Variants in SV2C observed in about 807,000 individuals in gnomAD.
The protein encoded by SV2C is synaptic vesicle glycoprotein 2C, also known as solute carrier family 22 member B3.
Under a neutral mutation model 79.7 loss-of-function variants are expected in SV2C, and 49 were observed. That is an observed-to-expected ratio of 0.61 (90% CI 0.49 to 0.78). The LOEUF (loss-of-function observed/expected upper bound fraction) is 0.78. SV2C is among the 30% of genes least tolerant of loss of function. The pLI is 0.00. For synonymous variants in SV2C, 334 were observed against 333.2 expected (o/e 1.00, Z -0.03); for missense variants, 833 against 912.9 (o/e 0.91, Z 1.13).
At chr5:75,858,009 T>G in the SV2C span, among the ~76,000 whole-genome samples, 9 of 152,226 alleles carry the variant, frequency 5.9e-5, no homozygotes, top group African/African-American at 9.6e-5. Flanking sequence ...TTTGGTGGAT[T>G]CTTTAGGTTT....
At chr5:76,234,821 T>C (rs1292076498) in intron 4 of SV2C, among the ~76,000 whole-genome samples, 1 of 152,188 alleles carries the variant, frequency 6.6e-6, no homozygotes. Flanking sequence ...CTGTGCTTAC[T>C]TGATTTATAA....
intron 12 of SV2C, among the ~76,000 whole-genome samples, chr5:76,301,908 C>CAAAAAAAAA (rs11436839): frequency 4.8e-5 from 2 of 41,420 alleles, no homozygotes; most frequent in South Asian, 1.3e-3. Context: ...GACACCATCT[C>CAAAAAAAAA]AAAAAAAAAA....
At chr5:76,214,126 A>T (rs1192275706) in intron 4 of SV2C, among the ~76,000 whole-genome samples, 1 of 152,224 alleles carries the variant, frequency 6.6e-6, no homozygotes, top group Admixed American at 6.5e-5. Context: ...ATACACATAC[A>T]GTTTTAAAGC....
At chr5:76,170,426 G>C (rs1417855511) in intron 2 of SV2C, among the ~76,000 whole-genome samples, 4 of 115,348 alleles carry the variant, frequency 3.5e-5, no homozygotes, top group Admixed American at 1.0e-4. Context: ...CTGTATATTT[G>C]GTATTGCAAA....
the SV2C span, among the ~76,000 whole-genome samples, chr5:75,903,783 T>A: frequency 6.2e-4 from 95 of 152,338 alleles, no homozygotes; most frequent in Non-Finnish European, 1.2e-3. Context: ...TTGTAAATTG[T>A]TGACTCATAC....
At chr5:75,866,587 G>A in the SV2C span, among the ~76,000 whole-genome samples, 1 of 152,180 alleles carries the variant, frequency 6.6e-6, no homozygotes, top group African/African-American at 2.4e-5. Context: ...CAAGGCTGAA[G>A]CTTATTTTCC....
the SV2C span, among the ~76,000 whole-genome samples, chr5:76,062,004 A>G: frequency 0.068 from 10,335 of 152,098 alleles, 1,158 homozygotes; most frequent in African/African-American, 0.23. Context: ...TTTAGCTGAA[A>G]TGATTCCATT....
the SV2C span, among the ~76,000 whole-genome samples, chr5:75,968,800 A>G: frequency 6.6e-6 from 1 of 152,248 alleles, no homozygotes; most frequent in East Asian, 1.9e-4. Flanking sequence ...GTAGGCCAAC[A>G]TTCAGATTCA....
chr5:76,131,394 G>A (rs1428456498), intron 1 of SV2C, among the ~76,000 whole-genome samples: 1 of 151,910 alleles, frequency 6.6e-6, no homozygotes, highest in Non-Finnish European at 1.5e-5. Flanking sequence ...CTGTTACCCT[G>A]GGGATAGAAT....
the SV2C span, among the ~76,000 whole-genome samples, chr5:75,951,400 TG>T: frequency 6.6e-6 from 1 of 152,008 alleles, no homozygotes; most frequent in Non-Finnish European, 1.5e-5. Flanking sequence ...TGCTTTTGCC[TG>T]CTGGGAAACA....
At chr5:76,260,512 A>G (rs1338683308) in intron 4 of SV2C, among the ~76,000 whole-genome samples, 2 of 152,060 alleles carry the variant, frequency 1.3e-5, no homozygotes, top group Non-Finnish European at 1.5e-5. Flanking sequence ...CATGAAGTCT[A>G]TGCCCATGCC....
the SV2C span, among the ~76,000 whole-genome samples, chr5:75,969,168 G>A: frequency 1.3e-5 from 2 of 152,132 alleles, no homozygotes; most frequent in African/African-American, 4.8e-5. Context: ...AAAAGCTCCT[G>A]AAGGAAGCAC....
At chr5:76,101,220 G>T (rs1747732719) in intron 1 of SV2C, among the ~76,000 whole-genome samples, 1 of 152,100 alleles carries the variant, frequency 6.6e-6, no homozygotes, top group Admixed American at 6.5e-5. Context: ...TGAAGGGTGG[G>T]TGGGACTCTG....
intron 4 of SV2C, among the ~76,000 whole-genome samples, chr5:76,261,871 C>T (rs1418292164): frequency 1.3e-5 from 2 of 152,124 alleles, no homozygotes; most frequent in Middle Eastern, 3.2e-3. Flanking sequence ...GTTTTTGAAT[C>T]GATGTTCATC....
At chr5:76,125,440 A>C (rs1315629578) in intron 1 of SV2C, among the ~76,000 whole-genome samples, 1 of 152,180 alleles carries the variant, frequency 6.6e-6, no homozygotes, top group African/African-American at 2.4e-5. Context: ...GTTCATCTTA[A>C]TACAGTATTT....
chr5:75,960,237 A>G, the SV2C span, among the ~76,000 whole-genome samples: 2 of 151,966 alleles, frequency 1.3e-5, no homozygotes, highest in Non-Finnish European at 2.9e-5. Flanking sequence ...CTATTAATGT[A>G]ATAACTGTGT....
intron 9 of SV2C, among the ~76,000 whole-genome samples, chr5:76,297,560 A>G (rs1437952665): frequency 6.6e-6 from 1 of 152,156 alleles, no homozygotes; most frequent in Non-Finnish European, 1.5e-5. Flanking sequence ...AAAATTGATA[A>G]CTTTTTAAAG....
the SV2C span, among the ~76,000 whole-genome samples, chr5:75,899,999 A>G: frequency 1.4e-4 from 21 of 152,222 alleles, no homozygotes; most frequent in South Asian, 3.9e-3. Context: ...CAGCACACTG[A>G]TGGGTCTTGA....
intron 12 of SV2C, among the ~76,000 whole-genome samples, chr5:76,339,820 G>A (rs1580088440): frequency 1.3e-5 from 2 of 152,266 alleles, no homozygotes; most frequent in South Asian, 4.1e-4. Context: ...CCAGCGTCTG[G>A]CTTTGTCAGA....
Sources: gnomAD v4.1 joint callset for allele counts (sites outside exome capture counted in the v4.1 genomes callset) on GRCh38, gnomAD v4.1.1 for gene constraint, MANE v1.5 for transcripts, NCBI Gene and HGNC (gene_info 2026-07-23, HGNC 2026-07-21) for gene names.